Variants in TMEM232 observed in about 807,000 individuals in gnomAD.
TMEM232 encodes transmembrane protein 232.
Under a neutral mutation model 78.8 loss-of-function variants are expected in TMEM232, and 80 were observed. The observed-to-expected ratio is 1.01, with a 90% CI of 0.85 to 1.22. TMEM232 has a LOEUF of 1.22. Among genes scored for constraint, TMEM232 ranks in the 50% most tolerant of loss-of-function variants. TMEM232 has a pLI of 0.00. For missense variants in TMEM232, 881 were observed against 742.2 expected, an observed-to-expected ratio of 1.19 and a Z score of -2.17; for synonymous variants, 297 against 254.3, an observed-to-expected ratio of 1.17 and a Z score of -1.60.
chr5:110,666,500 G>A (rs556569366), intron 2 of TMEM232: 1 of 152,044 alleles, frequency 6.6e-6, no homozygotes, highest in South Asian at 2.1e-4. Flanking sequence ...ATTAGTAACA[G>A]GATTATCTAG....
At chr5:110,618,721 A>G (rs1217604062) in intron 7 of TMEM232, among the ~76,000 whole-genome samples, 159 bp from the exon 8 acceptor site, 1 of 152,206 alleles carries the variant, frequency 6.6e-6, no homozygotes, top group East Asian at 1.9e-4. Context: ...TTACATAAGC[A>G]TATTTTTGAA....
chr5:110,582,357 G>A (rs1581296598), intron 10 of TMEM232, among the ~76,000 whole-genome samples: 1 of 151,832 alleles, frequency 6.6e-6, no homozygotes, highest in Non-Finnish European at 1.5e-5. Flanking sequence ...TATCGTTTAT[G>A]GCAACATGTA....
chr5:110,412,757 G>C (rs1436518035), intron 2 of TMEM232, among the ~76,000 whole-genome samples: 1 of 152,000 alleles, frequency 6.6e-6, no homozygotes, highest in African/African-American at 2.4e-5. Context: ...ATTGTTATTT[G>C]ATACTGTAAC....
intron 10 of TMEM232, among the ~76,000 whole-genome samples, chr5:110,592,575 A>G (rs1416304760): frequency 3.3e-5 from 5 of 152,186 alleles, no homozygotes; most frequent in African/African-American, 1.2e-4. Flanking sequence ...GTGTTGAGAA[A>G]ACATTGATAA....
rs2112599677 is a variant in TMEM232 at position 110,419,529 on chromosome 5, A to C, written c.*1051T>G. ...CTTAGCTACTTTTATTTTGAAAAAT[A>C]ATCCCATTTAAAAGCTTCTTGAAAG... On this transcript the variant is annotated 3_prime_UTR_variant, in exon 14 of 14. Transcript: ENST00000455884. Among the ~76,000 whole-genome samples, 1 of 152,304 alleles carries C rather than the reference A, an allele frequency of 6.6e-6. No individual in the cohort carries two copies. The highest frequency in any genetic ancestry group is 1.9e-4 in the East Asian group (1 of 5,182).
At chr5:110,718,753 C>T (rs1797281027) in intron 1 of TMEM232, among the ~76,000 whole-genome samples, 1 of 151,898 alleles carries the variant, frequency 6.6e-6, no homozygotes, top group Admixed American at 6.6e-5. Flanking sequence ...TTAAGGGTTA[C>T]CATATTTCTC....
At chr5:110,544,091 T>C (rs1277231406) in intron 11 of TMEM232, among the ~76,000 whole-genome samples, 1 of 152,128 alleles carries the variant, frequency 6.6e-6, no homozygotes, top group Non-Finnish European at 1.5e-5. Flanking sequence ...CTTTAACCAT[T>C]TATTTACATT....
chr5:110,493,382 G>GA (rs530425968), intron 12 of TMEM232, among the ~76,000 whole-genome samples: 6,502 of 119,162 alleles, frequency 0.055, 211 homozygotes, highest in African/African-American at 0.099. Flanking sequence ...CCAAGACATT[G>GA]AAAAAAAAAA....
intron 10 of TMEM232, among the ~76,000 whole-genome samples, chr5:110,595,251 C>G (rs1780019620): frequency 6.6e-6 from 1 of 152,142 alleles, no homozygotes; most frequent in South Asian, 2.1e-4. Context: ...GACACCCACT[C>G]AAAAACACTA....
At chr5:110,685,817 A>G (rs1580659744) in intron 1 of TMEM232, among the ~76,000 whole-genome samples, 2 of 152,180 alleles carry the variant, frequency 1.3e-5, no homozygotes, top group Admixed American at 6.5e-5. Flanking sequence ...AGTAACAACA[A>G]AGAACAAATT....
rs1422287894 is a variant in TMEM232 at position 110,581,764 on chromosome 5, C to A, written c.1277-13139G>T. On this transcript the variant is annotated intron_variant, in intron 10 of 13. Transcript: ENST00000455884. ...GAGAAAATATTTGCAAAGTATGCATCCAACAAAGGTCTGATGAATCTATAA... is the reference window on the plus strand; with the variant it reads ...GAGAAAATATTTGCAAAGTATGCATACAACAAAGGTCTGATGAATCTATAA... 2.0e-5 allele frequency among the ~76,000 whole-genome samples: 3 copies of A among 151,516 alleles called. No individual in the cohort carries two copies. The South Asian group carries it at 6.3e-4, about 32-fold the overall frequency.
intron 2 of TMEM232, among the ~76,000 whole-genome samples, chr5:110,407,172 A>T (rs886809700): frequency 3.3e-5 from 5 of 152,096 alleles, no homozygotes; most frequent in African/African-American, 9.7e-5. Flanking sequence ...TAATAAGTAT[A>T]TACCTTATAT....
At chr5:110,613,388 T>C (rs1782550650) in intron 8 of TMEM232, among the ~76,000 whole-genome samples, 1 of 152,168 alleles carries the variant, frequency 6.6e-6, no homozygotes, top group Non-Finnish European at 1.5e-5. Flanking sequence ...ACAAGCCATT[T>C]TTGCCACTAT....
chr5:110,711,948 T>C (rs1373531841), intron 1 of TMEM232, among the ~76,000 whole-genome samples: 3 of 151,154 alleles, frequency 2.0e-5, no homozygotes, highest in Admixed American at 1.3e-4. Context: ...CTACTAAAAA[T>C]ACAAAAAATT....
At position 110,403,703 on chromosome 5, in the gene TMEM232, G is replaced by A. The variant is rs577573666; in HGVS notation, n.309-5849C>T. On this transcript the variant is annotated intron_variant and non_coding_transcript_variant, in intron 2 of 8. Coordinates refer to the TMEM232 transcript ENST00000507188. ...TCTAGTTGAGTTTCATATATATTAT[G>A]ATCTCCTATTTGTTAATATCATCCA... 2.0e-5 allele frequency among the ~76,000 whole-genome samples: 3 copies of A among 152,038 alleles called. No individual in the cohort carries two copies. The East Asian group carries it at 5.8e-4, about 29-fold the overall frequency.
intron 10 of TMEM232, among the ~76,000 whole-genome samples, chr5:110,601,626 C>G (rs1388339265): frequency 6.6e-6 from 1 of 152,136 alleles, no homozygotes; most frequent in Non-Finnish European, 1.5e-5. Flanking sequence ...CTACAAACCA[C>G]TGCTCAAGGA....
At chr5:110,511,022 T>C (rs982660069) in intron 12 of TMEM232, among the ~76,000 whole-genome samples, 3 of 152,114 alleles carry the variant, frequency 2.0e-5, no homozygotes, top group Non-Finnish European at 4.4e-5. Context: ...CTATTCACAA[T>C]AGCAAAGACT....
intron 11 of TMEM232, among the ~76,000 whole-genome samples, chr5:110,555,317 T>C (rs1360662525): frequency 6.6e-6 from 1 of 152,194 alleles, no homozygotes; most frequent in Non-Finnish European, 1.5e-5. Flanking sequence ...TGTAATTGTA[T>C]GGTTTTGAGA....
At chr5:110,671,194 A>G (rs535099626) in intron 1 of TMEM232, among the ~76,000 whole-genome samples, 4 of 152,182 alleles carry the variant, frequency 2.6e-5, no homozygotes, top group Admixed American at 6.5e-5. Flanking sequence ...CAAAGCCACA[A>G]TGAGATACAA....
Sources: allele counts gnomAD v4.1 joint callset (sites outside exome capture counted in the v4.1 genomes callset), GRCh38; gene constraint gnomAD v4.1.1; transcripts MANE v1.5; gene names NCBI Gene and HGNC (gene_info 2026-07-23, HGNC 2026-07-21).